SLC24A3: variants seen among roughly 807,000 people sequenced by gnomAD.
SLC24A3 encodes the protein sodium/potassium/calcium exchanger 3.
SLC24A3 carries 28 observed loss-of-function variants against 75.8 expected under a neutral mutation model. The ratio of observed to expected loss-of-function variants is 0.37; its 90% CI spans 0.27 to 0.51. SLC24A3 has a LOEUF of 0.51. SLC24A3 is among the 20% of genes least tolerant of loss of function. The pLI, the probability that SLC24A3 is intolerant of heterozygous loss-of-function variation, is 0.94. For missense variants in SLC24A3, 663 were observed against 847.8 expected, an observed-to-expected ratio of 0.78 and a Z score of 2.71; for synonymous variants, 372 against 334.1, an observed-to-expected ratio of 1.11 and a Z score of -1.24.
intron 3 of SLC24A3, among the ~76,000 whole-genome samples, chr20:19,521,045 G>T (rs112777106): frequency 0.095 from 14,437 of 152,086 alleles, 740 homozygotes; most frequent in South Asian, 0.1. Context: ...TGGTTTTCAG[G>T]TCCACTGTCT....
intron 2 of SLC24A3, among the ~76,000 whole-genome samples, chr20:19,441,723 G>A (rs1424310044): frequency 2.0e-5 from 3 of 152,072 alleles, no homozygotes; most frequent in African/African-American, 4.8e-5. Context: ...TATTCTTGGT[G>A]TATAGTTCTG....
At chr20:19,488,467 T>C (rs150154971) in intron 2 of SLC24A3, among the ~76,000 whole-genome samples, 1 of 152,320 alleles carries the variant, frequency 6.6e-6, no homozygotes, top group African/African-American at 2.4e-5. Context: ...ATCTAGGAAT[T>C]GCCTTCTAGA....
intron 1 of SLC24A3, among the ~76,000 whole-genome samples, chr20:19,252,963 G>A (rs1053006517): frequency 6.6e-6 from 1 of 152,178 alleles, no homozygotes; most frequent in Non-Finnish European, 1.5e-5. Flanking sequence ...ATATAATTAT[G>A]CAATGGGTGC....
chr20:19,329,868 AG>A (rs1568591034), intron 2 of SLC24A3, among the ~76,000 whole-genome samples: 1 of 152,160 alleles, frequency 6.6e-6, no homozygotes, highest in Non-Finnish European at 1.5e-5. Context: ...TTGAAGGTCA[AG>A]GCTTTGACCT....
chr20:19,510,097 T>C (rs972923208), intron 2 of SLC24A3, among the ~76,000 whole-genome samples: 8 of 152,200 alleles, frequency 5.3e-5, no homozygotes, highest in Admixed American at 3.9e-4. Context: ...ACAATCCTTA[T>C]GGCCTCCCTA....
rs1015465247 is a variant in SLC24A3, at chr20:19,306,841, G to T, written c.271+25754G>T. On this transcript the variant is annotated intron_variant, in intron 2 of 16. Transcript: ENST00000328041. ...ATGCAATAAACCTGCACATGTACCCGCAGAGTCTAAAACAAAAGATTAAAA... is the reference window on the plus strand; with the variant it reads ...ATGCAATAAACCTGCACATGTACCCTCAGAGTCTAAAACAAAAGATTAAAA... Among the ~76,000 whole-genome samples, 6 of 151,882 alleles carry T rather than the reference G, an allele frequency of 4.0e-5. No homozygotes were observed. The East Asian group carries it at 9.7e-4, about 25-fold the overall frequency.
At chr20:19,258,717 A>G (rs1446062549) in intron 1 of SLC24A3, among the ~76,000 whole-genome samples, 2 of 152,134 alleles carry the variant, frequency 1.3e-5, no homozygotes, top group Non-Finnish European at 2.9e-5. Flanking sequence ...AAAAGAAAGA[A>G]ACTATAATGA....
chr20:19,656,650 C>T (rs2032270385), intron 7 of SLC24A3, among the ~76,000 whole-genome samples: 1 of 152,106 alleles, frequency 6.6e-6, no homozygotes, highest in Non-Finnish European at 1.5e-5. Context: ...GGTTAGGGAA[C>T]AGTGTCAATG....
At chr20:19,595,271 C>A (rs913355833) in intron 6 of SLC24A3, among the ~76,000 whole-genome samples, 5 of 152,178 alleles carry the variant, frequency 3.3e-5, no homozygotes, top group Non-Finnish European at 7.3e-5. Flanking sequence ...AAGAATGCAG[C>A]CCGTCTCTGC....
In SLC24A3 at chr20:19,674,555, C is replaced by T. The variant is rs146320440; in HGVS notation, c.767+901C>T. Among the ~76,000 whole-genome samples, 75 of 152,304 alleles carry T rather than the reference C, an allele frequency of 4.9e-4. 1 individual carries two copies. Among genetic ancestry groups the T allele is most frequent in the East Asian group, 1.5e-3 (8 of 5,178 alleles). On this transcript the variant is annotated intron_variant, in intron 9 of 16. Transcript: ENST00000328041. ...ACAGAGAGCAAGAAGGGCCCTGCAG[C>T]ACCTTTTATAATATCCCAGAAGTCA...
intron 2 of SLC24A3, among the ~76,000 whole-genome samples, chr20:19,348,631 A>T (rs1380022159): frequency 6.6e-6 from 1 of 152,078 alleles, no homozygotes; most frequent in East Asian, 1.9e-4. Context: ...CAGGTCTAAC[A>T]TCATGTTGTA....
At chr20:19,557,079 A>G (rs2030799136) in intron 3 of SLC24A3, among the ~76,000 whole-genome samples, 1 of 152,116 alleles carries the variant, frequency 6.6e-6, no homozygotes, top group African/African-American at 2.4e-5. Context: ...TGCAGGATTT[A>G]GAAGTCTGCA....
intron 2 of SLC24A3, among the ~76,000 whole-genome samples, chr20:19,383,316 G>A (rs1986216327): frequency 6.6e-6 from 1 of 152,072 alleles, no homozygotes; most frequent in African/African-American, 2.4e-5. Context: ...TTTGAATGCA[G>A]AAGAATTGCC....
intron 1 of SLC24A3, among the ~76,000 whole-genome samples, chr20:19,223,714 C>T (rs1318021011): frequency 6.6e-6 from 1 of 152,220 alleles, no homozygotes; most frequent in African/African-American, 2.4e-5. Context: ...TGTGCTCACC[C>T]TTCTGGTGAT....
intron 2 of SLC24A3, among the ~76,000 whole-genome samples, chr20:19,507,850 A>G (rs949949289): frequency 6.6e-6 from 1 of 152,158 alleles, no homozygotes; most frequent in Non-Finnish European, 1.5e-5. Flanking sequence ...ATACAAAACC[A>G]CTTCCTGAGA....
intron 6 of SLC24A3, among the ~76,000 whole-genome samples, chr20:19,613,308 T>C (rs1410102971): frequency 4.6e-5 from 7 of 152,216 alleles, no homozygotes; most frequent in Admixed American, 2.6e-4. Flanking sequence ...CCTCAGTATC[T>C]GAACAGTGCC....
chr20:19,665,279 T>A (rs994213731), intron 7 of SLC24A3, among the ~76,000 whole-genome samples: 1 of 152,214 alleles, frequency 6.6e-6, no homozygotes. Context: ...GTTAATGCAC[T>A]TATTTTTCGG....
At chr20:19,564,856 A>G (rs1172627292) in intron 3 of SLC24A3, among the ~76,000 whole-genome samples, 1 of 152,160 alleles carries the variant, frequency 6.6e-6, no homozygotes, top group African/African-American at 2.4e-5. Flanking sequence ...AGATAATCCT[A>G]CCATATTATC....
chr20:19,305,043 C>T (rs1249899337), intron 2 of SLC24A3, among the ~76,000 whole-genome samples: 1 of 152,096 alleles, frequency 6.6e-6, no homozygotes, highest in Admixed American at 6.5e-5. Context: ...GGGATATGAG[C>T]GGCTCCCCAT....
Sources: gnomAD v4.1 joint callset for allele counts (sites outside exome capture counted in the v4.1 genomes callset) on GRCh38, gnomAD v4.1.1 for gene constraint, MANE v1.5 for transcripts, NCBI Gene and HGNC (gene_info 2026-07-23, HGNC 2026-07-21) for gene names.